Variants in TXNDC12 observed in about 807,000 individuals in gnomAD.
The protein encoded by TXNDC12 is thioredoxin domain containing 12.
A neutral mutation model predicts 24.2 loss-of-function variants in TXNDC12; 22 were observed. The observed-to-expected ratio is 0.91, with a 90% CI of 0.65 to 1.30. The LOEUF is 1.30. Among genes scored for constraint, TXNDC12 ranks in the 50% most tolerant of loss-of-function variants. TXNDC12 has a pLI of 0.00. For missense variants in TXNDC12, 184 were observed against 205.8 expected (o/e 0.89, Z 0.65); for synonymous variants, 58 against 73.4 (o/e 0.79, Z 1.07).
chr1:52,026,571 T>C (rs1009556957), intron 4 of TXNDC12, among the ~76,000 whole-genome samples: 2 of 152,190 alleles, frequency 1.3e-5, no homozygotes, highest in African/African-American at 4.8e-5. Flanking sequence ...AAACATGTCA[T>C]AATCATAAAC....
chr1:52,032,577 T>C, intron 2 of TXNDC12: 1 of 1,429,870 alleles, frequency 7.0e-7, no homozygotes, highest in Non-Finnish European at 9.1e-7. Context: ...AGTGAATCAG[T>C]CACAACAGCT....
intron 2 of TXNDC12, among the ~76,000 whole-genome samples, chr1:52,036,474 T>C (rs568610139): frequency 9.2e-5 from 14 of 151,838 alleles, no homozygotes; most frequent in African/African-American, 3.4e-4. Flanking sequence ...AGAGGAGAGG[T>C]TGGTCTTGCT....
rs554376249 is a variant in TXNDC12 at position 52,020,160 on chromosome 1, T to A, written c.*773A>T. 9.4e-4 allele frequency: 171 copies of A among 182,610 alleles called. 1 individual carries two copies. In the Middle Eastern group the frequency reaches 0.018, roughly 19 times the overall value. The allele number at this position is 182,610 out of a possible 1,614,324, so 11.3% of individuals were successfully genotyped here. ...CTTTTAAAGTTTTATTAAAGTTTAA[T>A]GGTACAATATTTTATCTCTTTTTTT... On this transcript the variant is annotated 3_prime_UTR_variant, in exon 7 of 7. Coordinates refer to ENST00000371626, the MANE Select transcript of TXNDC12 (RefSeq NM_015913.4).
chr1:52,028,530 T>A, intron 3 of TXNDC12, 48 bp downstream of exon 3: 1 of 1,501,314 alleles, frequency 6.7e-7, no homozygotes, highest in Non-Finnish European at 9.2e-7. Context: ...ATGTTAATAT[T>A]TAACAACACA....
rs1208604361 is a variant in TXNDC12 at position 52,020,993 on chromosome 1, TTCC to T, written c.456_458del (p.Glu153del). 5.6e-6 allele frequency: 9 copies of T among 1,613,836 alleles called. No homozygotes were observed. The highest frequency in any genetic ancestry group is 7.6e-6 in the Non-Finnish European group (9 of 1,179,818). The stretch of plus-strand genomic sequence containing the variant: ...CATCACCCGTCAGCCTTTCCTGAGC[TTCC>T]TTCATCCCCTGAACAACTGTGAAAT... On this transcript the variant is annotated inframe_deletion, in exon 7 of 7. Coordinates refer to ENST00000371626, the MANE Select transcript of TXNDC12 (RefSeq NM_015913.4).
chr1:52,049,966 T>C (rs986713694), intron 1 of TXNDC12, among the ~76,000 whole-genome samples: 6 of 152,238 alleles, frequency 3.9e-5, no homozygotes, highest in Non-Finnish European at 7.3e-5. Flanking sequence ...ACAACAACTT[T>C]ATGAGGTAGA....
Position 52,027,321 on chromosome 1 carries a change from G to T in TXNDC12, c.239C>A (p.Thr80Lys). 6.2e-7 allele frequency: 1 copy of T among 1,613,164 alleles called. No individual in the cohort carries two copies. ...KALKPKFAESTEISELSHNFV... is the reference protein window; with the variant it reads ...KALKPKFAESKEISELSHNFV... The stretch of plus-strand genomic sequence containing the variant: ...ATTATGGGAGAGTTCTGAAATTTCC[G>T]TAGATTCTGCAAATTTGGGCTTTAG... The change falls in exon 4 of 7, where the codon ACG becomes AAG. Residue 80 changes from threonine (T) to lysine (K), a missense_variant. Coordinates refer to ENST00000371626, the MANE Select transcript of TXNDC12 (RefSeq NM_015913.4).
chr1:52,043,698 C>A (rs914168227), intron 1 of TXNDC12, among the ~76,000 whole-genome samples: 2 of 152,166 alleles, frequency 1.3e-5, no homozygotes, highest in Non-Finnish European at 2.9e-5. Flanking sequence ...TTATTCTATA[C>A]GATTGAGACT....
At chr1:52,050,674 CTCAG>C (rs1156954702) in intron 1 of TXNDC12, among the ~76,000 whole-genome samples, 1 of 152,224 alleles carries the variant, frequency 6.6e-6, no homozygotes, top group Non-Finnish European at 1.5e-5. Flanking sequence ...TACTGATTGT[CTCAG>C]TCAAACAGAC....
intron 1 of TXNDC12, among the ~76,000 whole-genome samples, chr1:52,043,763 C>T (rs1304694957): frequency 6.6e-6 from 1 of 152,146 alleles, no homozygotes; most frequent in East Asian, 1.9e-4. Flanking sequence ...TGCTAAATGG[C>T]CAAGCTGAGA....
chr1:52,033,225 G>A (rs1685807754), intron 2 of TXNDC12: 1 of 1,614,138 alleles, frequency 6.2e-7, no homozygotes. Flanking sequence ...CCGCAGCCCC[G>A]GATTCTTCTC....
Position 52,043,503 on chromosome 1 carries a change from A to G in TXNDC12, c.98-1906T>C, listed in dbSNP as rs116526612. Among the ~76,000 whole-genome samples the G allele has an allele frequency of 7.9e-3, 1,203 of 152,324 alleles. 17 individuals carry two copies. Among genetic ancestry groups the G allele is most frequent in the African/African-American group, 0.027 (1,131 of 41,572 alleles). On this transcript the variant is annotated intron_variant, in intron 1 of 6. Transcript: ENST00000371626. ...CCTGACATACCACATGTGTTATCTC[A>G]TTTAAATTTGGCCTTATTAATAACC...
chr1:52,022,568 T>C (rs951793064), intron 6 of TXNDC12, among the ~76,000 whole-genome samples: 1 of 151,738 alleles, frequency 6.6e-6, no homozygotes, highest in African/African-American at 2.4e-5. Context: ...TGAAATGTCC[T>C]CCTCATATCT....
intron 4 of TXNDC12, among the ~76,000 whole-genome samples, chr1:52,026,276 GA>G (rs1685670805): frequency 6.6e-6 from 1 of 152,144 alleles, no homozygotes; most frequent in South Asian, 2.1e-4. Context: ...CTATGACCTT[GA>G]CCAAATCACA....
chr1:52,052,586 G>A (rs906741118), intron 1 of TXNDC12: 1 of 166,038 alleles, frequency 6.0e-6, no homozygotes, highest in Admixed American at 6.5e-5. Flanking sequence ...GCTTAGCCAA[G>A]GCCCCAGTCA....
intron 2 of TXNDC12, chr1:52,033,724 C>G: frequency 6.2e-7 from 1 of 1,609,146 alleles, no homozygotes; most frequent in Middle Eastern, 1.7e-4. Context: ...CCGGCTCTTG[C>G]CGCTGTACGG....
chr1:52,045,474 T>G (rs1344484097), intron 1 of TXNDC12, among the ~76,000 whole-genome samples: 1 of 151,956 alleles, frequency 6.6e-6, no homozygotes, highest in Non-Finnish European at 1.5e-5. Context: ...CAGACAAACT[T>G]AAAGGGAAGA....
chr1:52,034,148 C>A (rs999231519), intron 2 of TXNDC12: 33 of 919,620 alleles, frequency 3.6e-5, no homozygotes, highest in Non-Finnish European at 4.6e-5. Context: ...CCTCTTAAAC[C>A]TACTGGCTCT....
intron 2 of TXNDC12, among the ~76,000 whole-genome samples, chr1:52,036,816 T>C (rs1685891161): frequency 1.3e-5 from 2 of 152,226 alleles, no homozygotes; most frequent in African/African-American, 4.8e-5. Flanking sequence ...TCCTCTGGTT[T>C]GGTGTCTATT....
Sources: allele counts gnomAD v4.1 joint callset (sites outside exome capture counted in the v4.1 genomes callset), GRCh38; gene constraint gnomAD v4.1.1; transcripts MANE v1.5; gene names NCBI Gene and HGNC (gene_info 2026-07-23, HGNC 2026-07-21).